Variants in GNAQ observed in about 807,000 individuals in gnomAD.
GNAQ encodes the protein guanine nucleotide-binding protein G(q) subunit alpha.
In GNAQ, 8 loss-of-function variants were observed where a neutral mutation model predicts 43.9. The observed-to-expected ratio is 0.18, with a 90% CI of 0.11 to 0.33. The LOEUF (loss-of-function observed/expected upper bound fraction) is 0.33, where lower values mean the gene tolerates loss of function less well. Ranked by LOEUF, GNAQ falls within the 10% of genes least tolerant of loss-of-function variation. The pLI, the probability that GNAQ is intolerant of heterozygous loss-of-function variation, is 1.00. For synonymous variants in GNAQ, 155 were observed against 170.7 expected (o/e 0.91, Z 0.71); for missense variants, 158 against 450.8 (o/e 0.35, Z 5.88).
At chr9:77,746,045 C>T (rs144998667) in intron 5 of GNAQ, among the ~76,000 whole-genome samples, 113 of 151,942 alleles carry the variant, frequency 7.4e-4, no homozygotes, top group African/African-American at 2.3e-3. Context: ...ATAAGGAAGC[C>T]GAAGAGCCAT....
At chr9:78,019,061 G>T (rs1355833397) in intron 1 of GNAQ, among the ~76,000 whole-genome samples, 1 of 152,136 alleles carries the variant, frequency 6.6e-6, no homozygotes, top group Admixed American at 6.5e-5. Flanking sequence ...TGATTTTCAT[G>T]AAAATATACT....
intron 2 of GNAQ, among the ~76,000 whole-genome samples, chr9:77,911,510 G>A (rs1828803137): frequency 6.6e-6 from 1 of 152,022 alleles, no homozygotes; most frequent in Admixed American, 6.6e-5. Flanking sequence ...TAATAAAAGG[G>A]CAAAATCAGC....
chr9:77,826,425 A>G (rs1394857797), intron 2 of GNAQ, among the ~76,000 whole-genome samples: 4 of 152,252 alleles, frequency 2.6e-5, no homozygotes, highest in Non-Finnish European at 4.4e-5. Flanking sequence ...CCTGGCTAGA[A>G]TCCATTAAAA....
intron 2 of GNAQ, among the ~76,000 whole-genome samples, chr9:77,857,371 C>A (rs1228224970): frequency 6.6e-6 from 1 of 152,122 alleles, no homozygotes; most frequent in Non-Finnish European, 1.5e-5. Context: ...TAACATTACA[C>A]TTCTTATCTA....
In GNAQ at chr9:77,819,029, A is replaced by AG. The variant is rs1564120114; in HGVS notation, c.322-3260_322-3259insC. ...AAAAAAAAAAAAAAAAAAAAAAAAAACACCCAAAAATACCTAGTATGATTT... is the reference window on the plus strand; with the variant it reads ...AAAAAAAAAAAAAAAAAAAAAAAAAAGCACCCAAAAATACCTAGTATGATTT... On this transcript the variant is annotated intron_variant, in intron 2 of 6. Transcript: ENST00000286548. 1.4e-4 allele frequency among the ~76,000 whole-genome samples: 17 copies of AG among 119,182 alleles called. 4 individuals carry two copies. The highest frequency in any genetic ancestry group is 2.9e-4 in the South Asian group (1 of 3,420). 78.2% of individuals were successfully genotyped at this position (119,182 alleles called of 152,430 possible).
At chr9:78,009,439 C>G (rs1047863827) in intron 1 of GNAQ, among the ~76,000 whole-genome samples, 4 of 152,120 alleles carry the variant, frequency 2.6e-5, no homozygotes, top group Non-Finnish European at 4.4e-5. Context: ...CTCTTGATTT[C>G]TCTATTCCCT....
intron 2 of GNAQ, among the ~76,000 whole-genome samples, chr9:77,855,098 A>T (rs944770304): frequency 2.0e-5 from 3 of 152,184 alleles, no homozygotes; most frequent in Non-Finnish European, 1.5e-5. Context: ...CCTTGTTTCA[A>T]GCCTTAAAGA....
At chr9:77,774,770 CTTTTA>C (rs910019277) in intron 5 of GNAQ, among the ~76,000 whole-genome samples, 20 of 152,156 alleles carry the variant, frequency 1.3e-4, no homozygotes, top group Non-Finnish European at 1.9e-4. Flanking sequence ...GCTCAGCTTA[CTTTTA>C]TTTTATTAGA....
At chr9:77,953,855 A>T (rs575386276) in intron 1 of GNAQ, among the ~76,000 whole-genome samples, 3 of 152,210 alleles carry the variant, frequency 2.0e-5, no homozygotes, top group African/African-American at 7.2e-5. Context: ...TGACTGACCC[A>T]GCCTTCTGCC....
At chr9:77,754,632 GT>G (rs1825869852) in intron 5 of GNAQ, among the ~76,000 whole-genome samples, 1 of 152,138 alleles carries the variant, frequency 6.6e-6, no homozygotes, top group African/African-American at 2.4e-5. Context: ...TTATGTAAGT[GT>G]TCTGCACAGG....
chr9:77,800,850 T>C (rs1441943347), intron 3 of GNAQ, among the ~76,000 whole-genome samples: 1 of 152,226 alleles, frequency 6.6e-6, no homozygotes, highest in Non-Finnish European at 1.5e-5. Flanking sequence ...AATGTACATT[T>C]CGAAATCCAC....
intron 2 of GNAQ, among the ~76,000 whole-genome samples, chr9:77,889,075 T>C (rs1049270558): frequency 1.3e-5 from 2 of 152,096 alleles, no homozygotes; most frequent in Admixed American, 6.6e-5. Context: ...TCCTTCACTT[T>C]ACTTAGTCAT....
At chr9:77,820,568 C>A (rs904649090) in intron 2 of GNAQ, among the ~76,000 whole-genome samples, 3 of 152,170 alleles carry the variant, frequency 2.0e-5, no homozygotes, top group East Asian at 1.9e-4. Flanking sequence ...CATGACACAG[C>A]CTTTTGAAGC....
chr9:78,023,027 A>T (rs959777276), intron 1 of GNAQ, among the ~76,000 whole-genome samples: 1 of 152,200 alleles, frequency 6.6e-6, no homozygotes, highest in Admixed American at 6.5e-5. Context: ...ACATGCCTAC[A>T]GCACCTTCTC....
intron 3 of GNAQ, among the ~76,000 whole-genome samples, chr9:77,810,217 TC>T (rs1826897516): frequency 0.016 from 1,365 of 85,790 alleles, 72 homozygotes; most frequent in Admixed American, 0.14. Flanking sequence ...CATCTATCTA[TC>T]TATCTATCTA....
chr9:77,793,285 T>C (rs963388745), intron 5 of GNAQ, among the ~76,000 whole-genome samples: 1 of 152,122 alleles, frequency 6.6e-6, no homozygotes, highest in African/African-American at 2.4e-5. Context: ...ACAAGCCTCA[T>C]TCTTAAACAG....
At chr9:77,764,567 TGC>T (rs1826103308) in intron 5 of GNAQ, among the ~76,000 whole-genome samples, 1 of 152,022 alleles carries the variant, frequency 6.6e-6, no homozygotes, top group African/African-American at 2.4e-5. Context: ...GCTATTCTCC[TGC>T]CTCAGCCTCC....
At chr9:77,881,771 T>A (rs1339112348) in intron 2 of GNAQ, among the ~76,000 whole-genome samples, 1 of 152,210 alleles carries the variant, frequency 6.6e-6, no homozygotes, top group East Asian at 1.9e-4. Flanking sequence ...TTTATGGGTA[T>A]TAACCAAAGG....
At chr9:77,825,196 C>T (rs952979901) in intron 2 of GNAQ, among the ~76,000 whole-genome samples, 14 of 152,108 alleles carry the variant, frequency 9.2e-5, no homozygotes, top group Non-Finnish European at 1.9e-4. Context: ...GTTAAACATG[C>T]ATTTTCAAGT....
Sources: allele counts gnomAD v4.1 joint callset (sites outside exome capture counted in the v4.1 genomes callset), GRCh38; gene constraint gnomAD v4.1.1; transcripts MANE v1.5; gene names NCBI Gene and HGNC (gene_info 2026-07-23, HGNC 2026-07-21).